The following VWF variants were observed in gnomAD, a reference collection of about 807,000 sequenced individuals.
VWF encodes Factor VIII related antigen.
Under a neutral mutation model 308.6 loss-of-function variants are expected in VWF, and 176 were observed. The observed-to-expected ratio is 0.57, with a 90% CI of 0.50 to 0.65. VWF has a LOEUF of 0.65. Among genes scored for constraint, VWF ranks in the 30% least tolerant of loss-of-function variants. VWF has a pLI of 0.00. For missense variants in VWF, 3,146 were observed against 3,648.2 expected (o/e 0.86, Z 3.55); for synonymous variants, 1,385 against 1,443.4 (o/e 0.96, Z 0.92).
In VWF at chr12:6,030,115, G is replaced by A. The variant is rs111682609; in HGVS notation, c.2821-627C>T. Among the ~76,000 whole-genome samples, 1,022 of 152,252 alleles carry A rather than the reference G, an allele frequency of 6.7e-3. 13 individuals carry two copies. The highest frequency in any genetic ancestry group is 0.021 in the African/African-American group (892 of 41,536). The stretch of plus-strand genomic sequence containing the variant: ...GGAGGACCATTTCAGCATGTGTGGC[G>A]GACTCTCCAATTCATCAGACTGAGG... On this transcript the variant is annotated intron_variant, in intron 21 of 51. Coordinates refer to ENST00000261405, the MANE Select transcript of VWF (RefSeq NM_000552.5).
intron 6 of VWF, among the ~76,000 whole-genome samples, chr12:6,087,360 T>TG (rs1479925587): frequency 2.1e-5 from 3 of 145,842 alleles, no homozygotes; most frequent in African/African-American, 7.7e-5. Context: ...AACTCTTTTT[T>TG]TTTTTTTTTT....
chr12:6,096,002 T>C (rs1375233766), intron 5 of VWF: 2 of 313,998 alleles, frequency 6.4e-6, no homozygotes, highest in Non-Finnish European at 1.2e-5. Flanking sequence ...ATCAAACTTG[T>C]ATTAAATTAA....
chr12:6,089,587 TC>T (rs955316355), intron 6 of VWF, among the ~76,000 whole-genome samples: 5 of 152,148 alleles, frequency 3.3e-5, no homozygotes, highest in African/African-American at 1.2e-4. Context: ...CCTCCCAGTC[TC>T]CCTCCTCAAC....
rs377568881 is a variant in VWF, at chr12:5,994,208, A to G, written c.6257-5T>C. 4 of 1,614,078 alleles carry G rather than the reference A, an allele frequency of 2.5e-6. No individual in the cohort carries two copies. The African/African-American group carries it at 4.0e-5, about 16-fold the overall frequency. On this transcript the variant is annotated splice_region_variant and splice_polypyrimidine_tract_variant and intron_variant, in intron 36 of 51. Transcript: ENST00000261405. The stretch of plus-strand genomic sequence containing the variant: ...CTCCGTTCTCATCACAGATCCCTAG[A>G]GAAACAAACAAACAAAAAAAAGATA...
intron 3 of VWF, among the ~76,000 whole-genome samples, chr12:6,118,337 G>A (rs868164131): frequency 4.5e-4 from 67 of 149,354 alleles, no homozygotes; most frequent in Middle Eastern, 7.0e-3. Flanking sequence ...CCCCCACCCC[G>A]GGCACTGCAG....
intron 21 of VWF, among the ~76,000 whole-genome samples, chr12:6,030,736 G>A (rs1449748209): frequency 9.9e-5 from 15 of 152,284 alleles, no homozygotes. Context: ...CCTCTTTTGA[G>A]CTCCTTTCTG....
chr12:6,012,284 A>AG (rs1944005895), intron 32 of VWF, among the ~76,000 whole-genome samples, 154 bp from the exon 33 acceptor site: 1 of 152,246 alleles, frequency 6.6e-6, no homozygotes, highest in Non-Finnish European at 1.5e-5. Flanking sequence ...ACATAGGGAC[A>AG]TGAGGCTGAG....
intron 47 of VWF, among the ~76,000 whole-genome samples, chr12:5,965,998 G>C (rs1337445391): frequency 1.3e-5 from 2 of 152,224 alleles, no homozygotes; most frequent in Non-Finnish European, 2.9e-5. Flanking sequence ...TCTGAGACTG[G>C]ATTCTAAAGG....
intron 26 of VWF, among the ~76,000 whole-genome samples, chr12:6,022,436 A>C (rs1944139284): frequency 6.6e-6 from 1 of 152,090 alleles, no homozygotes; most frequent in Admixed American, 6.6e-5. Flanking sequence ...TCAGTTCCTC[A>C]GACACACTCG....
chr12:5,993,651 A>G (rs113169192), intron 37 of VWF, among the ~76,000 whole-genome samples: 1,522 of 135,966 alleles, frequency 0.011, 10 homozygotes, highest in Middle Eastern at 0.03. Context: ...GTGTGTGTGT[A>G]TATATATATA....
At chr12:6,109,676 A>C (rs539436449) in intron 5 of VWF, among the ~76,000 whole-genome samples, 3 of 152,088 alleles carry the variant, frequency 2.0e-5, no homozygotes, top group Admixed American at 2.0e-4. Context: ...TTTGAGACGG[A>C]GTCTCGCTCT....
rs1341832538 is a variant in VWF, at chr12:6,058,156, A to G, written c.1534-112T>C. 18 of 1,280,626 alleles carry G rather than the reference A, an allele frequency of 1.4e-5. No individual in the cohort carries two copies. Among genetic ancestry groups the G allele is most frequent in the Non-Finnish European group, 1.9e-5 (18 of 931,196 alleles). 79.3% of individuals were successfully genotyped at this position (1,280,626 alleles called of 1,614,324 possible). On this transcript the variant is annotated intron_variant, in intron 13 of 51. Transcript: ENST00000261405. This position sits in a 1 kb window ranked among gnomAD's most constrained non-coding sequence, Gnocchi z 4.9. ...AAAAAAAGTTCCCCGGGTGAAACATAAATATGAATGTAATAAAAGGCAGCT... is the reference window on the plus strand; with the variant it reads ...AAAAAAAGTTCCCCGGGTGAAACATGAATATGAATGTAATAAAAGGCAGCT...
chr12:6,088,126 T>A (rs776377527), intron 6 of VWF, among the ~76,000 whole-genome samples: 1 of 152,204 alleles, frequency 6.6e-6, no homozygotes, highest in African/African-American at 2.4e-5. Flanking sequence ...CATTATATGT[T>A]CAGTTATTAT....
intron 25 of VWF, 31 bp downstream of exon 25, chr12:6,023,600 C>T (rs1944155222): frequency 1.2e-6 from 2 of 1,613,064 alleles, no homozygotes; most frequent in Admixed American, 1.7e-5. Context: ...GAAGGGAGGG[C>T]ATCTGAGAAC....
At chr12:5,985,387 TG>T (rs1348879031) in intron 39 of VWF, among the ~76,000 whole-genome samples, 175 bp downstream of exon 39, 2 of 152,144 alleles carry the variant, frequency 1.3e-5, no homozygotes, top group African/African-American at 4.8e-5. Context: ...AGGTGCAGAA[TG>T]GGGCTCCCAG....
chr12:6,115,047 T>C (rs1254196244), intron 3 of VWF, among the ~76,000 whole-genome samples: 1 of 152,146 alleles, frequency 6.6e-6, no homozygotes. Context: ...GGGGTTTTGT[T>C]TTCTTTTGTT....
At chr12:5,952,108 T>G (rs537831106) in intron 49 of VWF, among the ~76,000 whole-genome samples, 1 of 152,322 alleles carries the variant, frequency 6.6e-6, no homozygotes, top group Admixed American at 6.5e-5. Flanking sequence ...GTCATCAGGA[T>G]CTTCATTCCC....
At chr12:6,002,159 C>T (rs1174021793) in intron 34 of VWF, among the ~76,000 whole-genome samples, 2 of 151,238 alleles carry the variant, frequency 1.3e-5, no homozygotes, top group Non-Finnish European at 2.9e-5. Flanking sequence ...ATTCCCAGTT[C>T]CAATTAAATA....
intron 16 of VWF, among the ~76,000 whole-genome samples, chr12:6,047,721 T>G (rs1944461659): frequency 6.6e-6 from 1 of 152,236 alleles, no homozygotes; most frequent in Admixed American, 6.5e-5. Flanking sequence ...ATGCTGTGTT[T>G]TGCTTTTCCC....
Sources: gnomAD v4.1 joint callset for allele counts (sites outside exome capture counted in the v4.1 genomes callset) on GRCh38, gnomAD v4.1.1 for gene constraint, Gnocchi (gnomAD v3.1) non-coding constraint, MANE v1.5 for transcripts, NCBI Gene and HGNC (gene_info 2026-07-23, HGNC 2026-07-21) for gene names.